PCDH15: variants seen among roughly 807,000 people sequenced by gnomAD.
PCDH15 encodes the protein protocadherin-15.
Under a neutral mutation model 178.5 loss-of-function variants are expected in PCDH15, and 129 were observed. The ratio of observed to expected loss-of-function variants is 0.72; its 90% CI spans 0.63 to 0.84. The LOEUF is 0.84. PCDH15 is among the 40% of genes least tolerant of loss of function. PCDH15 has a pLI of 0.00. For missense variants in PCDH15, 2,230 were observed against 2,099.9 expected (o/e 1.06, Z -1.21); for synonymous variants, 800 against 732.0 (o/e 1.09, Z -1.50).
intron 2 of PCDH15, among the ~76,000 whole-genome samples, chr10:55,331,518 A>G (rs1844197486): frequency 6.6e-6 from 1 of 152,078 alleles, no homozygotes; most frequent in East Asian, 1.9e-4. Context: ...GAAAACCTAA[A>G]GAAAGCAGCT....
At chr10:54,291,737 C>T (rs2059423125) in intron 8 of PCDH15, among the ~76,000 whole-genome samples, 1 of 152,076 alleles carries the variant, frequency 6.6e-6, no homozygotes, top group Non-Finnish European at 1.5e-5. Context: ...TGTATAAATT[C>T]CTGGACACAT....
intron 2 of PCDH15, among the ~76,000 whole-genome samples, chr10:55,608,391 C>T (rs558384118): frequency 6.6e-6 from 1 of 151,378 alleles, no homozygotes; most frequent in South Asian, 2.1e-4. Context: ...ATCTGTGTTC[C>T]AGGACTCAAG....
intron 1 of PCDH15, among the ~76,000 whole-genome samples, chr10:55,196,856 A>G (rs1840106727): frequency 2.0e-5 from 3 of 152,032 alleles, no homozygotes; most frequent in Non-Finnish European, 4.4e-5. Flanking sequence ...TAATTGTGAG[A>G]TGAGCGAGAA....
intron 2 of PCDH15, among the ~76,000 whole-genome samples, chr10:55,024,293 A>C (rs978287748): frequency 7.2e-6 from 1 of 139,388 alleles, no homozygotes; most frequent in Admixed American, 7.5e-5. Flanking sequence ...GTATATATAT[A>C]TGAATATATA....
chr10:55,514,987 A>ATTTTTT (rs35469059), intron 2 of PCDH15, among the ~76,000 whole-genome samples: 2 of 120,264 alleles, frequency 1.7e-5, no homozygotes, highest in Non-Finnish European at 3.3e-5. Context: ...AGATAGATAG[A>ATTTTTT]TTTTTTTTTT....
intron 26 of PCDH15, among the ~76,000 whole-genome samples, chr10:53,896,774 C>T (rs2081981000): frequency 6.6e-6 from 1 of 152,046 alleles, no homozygotes; most frequent in African/African-American, 2.4e-5. Flanking sequence ...CCTATCGTGA[C>T]CTGCGCATGA....
intron 2 of PCDH15, among the ~76,000 whole-genome samples, chr10:54,914,145 GCT>G (rs1954864145): frequency 6.6e-6 from 1 of 152,096 alleles, no homozygotes; most frequent in Non-Finnish European, 1.5e-5. Flanking sequence ...ATATGATTTG[GCT>G]CTGTTTTCCC....
intron 3 of PCDH15, among the ~76,000 whole-genome samples, chr10:54,492,210 C>T (rs980194361): frequency 1.3e-5 from 2 of 152,106 alleles, no homozygotes; most frequent in Non-Finnish European, 2.9e-5. Flanking sequence ...GACGTGTCAA[C>T]CTGAACAGAC....
At chr10:54,306,344 GT>G (rs1486508376) in intron 8 of PCDH15, among the ~76,000 whole-genome samples, 1 of 152,022 alleles carries the variant, frequency 6.6e-6, no homozygotes, top group Non-Finnish European at 1.5e-5. Context: ...ATATGTGTAT[GT>G]TTCTCAGAGA....
chr10:54,331,074 C>CAG (rs747270334), intron 6 of PCDH15, among the ~76,000 whole-genome samples: 1 of 150,606 alleles, frequency 6.6e-6, no homozygotes, highest in Non-Finnish European at 1.5e-5. Context: ...GAGAGAGAAA[C>CAG]AGAGAGAGAG....
At chr10:55,165,154 T>C (rs1281162257) in intron 2 of PCDH15, among the ~76,000 whole-genome samples, 1 of 152,086 alleles carries the variant, frequency 6.6e-6, no homozygotes, top group Non-Finnish European at 1.5e-5. Flanking sequence ...ATGAAAATTT[T>C]GTCTTTTCAA....
chr10:55,369,743 T>C (rs1400107741), intron 2 of PCDH15, among the ~76,000 whole-genome samples: 1 of 152,050 alleles, frequency 6.6e-6, no homozygotes. Flanking sequence ...ATGCCTTGCC[T>C]TACTTATTCA....
At chr10:54,051,807 C>A (rs2093781079) in intron 18 of PCDH15, among the ~76,000 whole-genome samples, 1 of 152,094 alleles carries the variant, frequency 6.6e-6, no homozygotes, top group African/African-American at 2.4e-5. Context: ...CCATCATAGG[C>A]CCAGAGGACT....
intron 3 of PCDH15, among the ~76,000 whole-genome samples, chr10:54,818,810 C>T (rs369892858): frequency 1.1e-4 from 16 of 152,096 alleles, no homozygotes; most frequent in East Asian, 9.6e-4. Context: ...AGATATAATA[C>T]AATTTGATTG....
intron 2 of PCDH15, among the ~76,000 whole-genome samples, chr10:55,465,362 T>C (rs566925511): frequency 6.6e-6 from 1 of 152,258 alleles, no homozygotes; most frequent in East Asian, 1.9e-4. Context: ...ATTGCGTAAA[T>C]TGCACTGGGT....
In PCDH15 at chr10:55,187,585, C is replaced by T. The variant is rs111428554; in HGVS notation, c.-155-20934G>A. Among the ~76,000 whole-genome samples, 784 of 151,958 alleles carry T rather than the reference C, an allele frequency of 5.2e-3. 12 individuals are homozygous for T. Among genetic ancestry groups the T allele is most frequent in the African/African-American group, 0.018 (734 of 41,484 alleles). On this transcript the variant is annotated intron_variant, in intron 1 of 5. Transcript: ENST00000458638. ...ATGAGAGCCACTGTCAGGTATAGACCGGGTCACATAAGGGTTTTGACCATG... is the reference window on the plus strand; with the variant it reads ...ATGAGAGCCACTGTCAGGTATAGACTGGGTCACATAAGGGTTTTGACCATG...
At chr10:54,926,568 A>T (rs1271655381) in intron 2 of PCDH15, among the ~76,000 whole-genome samples, 1 of 151,914 alleles carries the variant, frequency 6.6e-6, no homozygotes, top group Non-Finnish European at 1.5e-5. Context: ...TCAGCTTTGA[A>T]TCTGGCTGGT....
At chr10:54,098,940 T>C (rs972396316) in intron 15 of PCDH15, among the ~76,000 whole-genome samples, 1 of 152,214 alleles carries the variant, frequency 6.6e-6, no homozygotes, top group Non-Finnish European at 1.5e-5. Context: ...TAGAAGTTTA[T>C]TTGTTCTTTG....
intron 13 of PCDH15, among the ~76,000 whole-genome samples, chr10:54,165,524 G>T (rs2046133861): frequency 6.6e-6 from 1 of 152,028 alleles, no homozygotes; most frequent in Non-Finnish European, 1.5e-5. Flanking sequence ...TGATCCTTTT[G>T]TAAAGGTTCA....
Sources: gnomAD v4.1 joint callset for allele counts (sites outside exome capture counted in the v4.1 genomes callset) on GRCh38, gnomAD v4.1.1 for gene constraint, MANE v1.5 for transcripts, NCBI Gene and HGNC (gene_info 2026-07-23, HGNC 2026-07-21) for gene names.